The following LRRC3B variants were observed in gnomAD, a reference collection of about 807,000 sequenced individuals.
LRRC3B encodes leucine-rich repeat-containing protein 3B.
A neutral mutation model predicts 12.8 loss-of-function variants in LRRC3B; 2 were observed. That is an observed-to-expected ratio of 0.16 (90% CI 0.06 to 0.49). The LOEUF (loss-of-function observed/expected upper bound fraction) is 0.49, where lower values mean the gene tolerates loss of function less well. Ranked by LOEUF, LRRC3B falls within the 20% of genes least tolerant of loss-of-function variation. LRRC3B has a pLI of 0.96. For missense variants in LRRC3B, 189 were observed against 319.4 expected (o/e 0.59, Z 3.11); for synonymous variants, 132 against 122.0 (o/e 1.08, Z -0.54).
At chr3:26,679,545 A>C (rs1699928203) in intron 1 of LRRC3B, among the ~76,000 whole-genome samples, 1 of 152,230 alleles carries the variant, frequency 6.6e-6, no homozygotes, top group African/African-American at 2.4e-5. Flanking sequence ...CACTTCAGTC[A>C]GTTCTCTGTT....
At chr3:26,706,376 TG>T (rs1416213259) in intron 1 of LRRC3B, among the ~76,000 whole-genome samples, 3 of 152,168 alleles carry the variant, frequency 2.0e-5, no homozygotes, top group African/African-American at 7.2e-5. Flanking sequence ...TTATTCTGGC[TG>T]GGGGTGATGG....
intron 1 of LRRC3B, among the ~76,000 whole-genome samples, chr3:26,671,361 T>TAGAGAGAGAGAGAG (rs1168710721): frequency 2.0e-5 from 1 of 49,258 alleles, no homozygotes; most frequent in Non-Finnish European, 3.8e-5. Flanking sequence ...TATATATATA[T>TAGAGAGAGAGAGAG]ATATATATAT....
chr3:26,698,587 A>C (rs2125456529), intron 1 of LRRC3B, among the ~76,000 whole-genome samples: 1 of 152,160 alleles, frequency 6.6e-6, no homozygotes, highest in South Asian at 2.1e-4. Flanking sequence ...AATCTCCCCT[A>C]CCCCAAATTT....
chr3:26,680,787 A>C (rs1022079691), intron 1 of LRRC3B, among the ~76,000 whole-genome samples: 1 of 152,258 alleles, frequency 6.6e-6, no homozygotes, highest in Non-Finnish European at 1.5e-5. Context: ...TGTGACCAAA[A>C]GATACAAAGT....
intron 1 of LRRC3B, among the ~76,000 whole-genome samples, chr3:26,676,837 C>T (rs1699870705): frequency 6.6e-6 from 1 of 152,148 alleles, no homozygotes; most frequent in Non-Finnish European, 1.5e-5. Flanking sequence ...TGGAACCAAC[C>T]CAAATGTCAT....
At chr3:26,709,385 T>G in intron 1 of LRRC3B, 128 bp from the exon 2 acceptor site, 1 of 414,422 alleles carries the variant, frequency 2.4e-6, no homozygotes, top group East Asian at 4.2e-5. Flanking sequence ...CCCAGTGGCA[T>G]TGATGGAAAT....
chr3:26,625,415 A>AGGCTCCTGGTGC (rs1698603880), intron 1 of LRRC3B: 1 of 152,238 alleles, frequency 6.6e-6, no homozygotes, highest in Non-Finnish European at 1.5e-5. Context: ...CCCTGTGCGC[A>AGGCTCCTGGTGC]GGCTCCTGGT....
chr3:26,709,625 T>A (rs532292304), exon 2 of LRRC3B: 7 of 1,580,844 alleles, frequency 4.4e-6, no homozygotes, highest in Non-Finnish European at 6.0e-6. Flanking sequence ...TTACCACGCT[T>A]GTTGGAGTAG....
intron 1 of LRRC3B, among the ~76,000 whole-genome samples, chr3:26,673,128 A>G (rs1278258623): frequency 6.6e-6 from 1 of 152,236 alleles, no homozygotes; most frequent in Non-Finnish European, 1.5e-5. Context: ...CTGCAGTGGC[A>G]AGCAATTGTT....
intron 1 of LRRC3B, among the ~76,000 whole-genome samples, chr3:26,689,957 C>T (rs1245457221): frequency 6.6e-6 from 1 of 152,156 alleles, no homozygotes; most frequent in Admixed American, 6.6e-5. Context: ...TGGATTGTGC[C>T]TCTGCTTAGA....
intron 1 of LRRC3B, among the ~76,000 whole-genome samples, chr3:26,704,773 G>T (rs1386845669): frequency 6.6e-6 from 1 of 151,942 alleles, no homozygotes; most frequent in East Asian, 1.9e-4. Context: ...TCAACCTTTT[G>T]TTTTGTCATT....
At chr3:26,649,246 A>T (rs1030838963) in intron 1 of LRRC3B, among the ~76,000 whole-genome samples, 12 of 152,308 alleles carry the variant, frequency 7.9e-5, no homozygotes, top group Non-Finnish European at 8.8e-5. Context: ...TTAGAACATC[A>T]CACAGGTGAT....
rs11914669 is a variant in LRRC3B at position 26,681,208 on chromosome 3, C to T, written c.-160-28305C>T. 7.5e-3 allele frequency among the ~76,000 whole-genome samples: 1,146 copies of T among 152,208 alleles called. 16 individuals carry two copies. Among genetic ancestry groups the T allele is most frequent in the African/African-American group, 0.025 (1,037 of 41,534 alleles). On this transcript the variant is annotated intron_variant, in intron 1 of 1. Coordinates refer to ENST00000396641, the Ensembl canonical transcript of LRRC3B. ...GTGCTTTTAGACATAATTAACAATG[C>T]GAATCCTTTGGGATCACACTGAATT...
At chr3:26,707,201 A>G (rs1179761759) in intron 1 of LRRC3B, among the ~76,000 whole-genome samples, 2 of 32,232 alleles carry the variant, frequency 6.2e-5, no homozygotes, top group Non-Finnish European at 1.8e-4. Context: ...AAAATACAGA[A>G]AAAAAAAAAA....
chr3:26,675,893 A>AGTT (rs1272371184), intron 1 of LRRC3B, among the ~76,000 whole-genome samples: 7 of 151,810 alleles, frequency 4.6e-5, no homozygotes, highest in South Asian at 2.1e-4. Flanking sequence ...TAATGGTGGT[A>AGTT]GTTGGTAAAA....
intron 1 of LRRC3B, among the ~76,000 whole-genome samples, chr3:26,670,204 A>G (rs939210738): frequency 2.6e-5 from 4 of 152,222 alleles, no homozygotes; most frequent in Non-Finnish European, 5.9e-5. Context: ...TTCTTGGTAG[A>G]TGCTCAGTTT....
chr3:26,648,748 A>G (rs1699204573), intron 1 of LRRC3B, among the ~76,000 whole-genome samples: 1 of 152,192 alleles, frequency 6.6e-6, no homozygotes, highest in African/African-American at 2.4e-5. Flanking sequence ...CTTGATTTGT[A>G]ATGTTTAAAC....
At chr3:26,669,925 C>A (rs1699685274) in intron 1 of LRRC3B, among the ~76,000 whole-genome samples, 1 of 152,218 alleles carries the variant, frequency 6.6e-6, no homozygotes, top group Non-Finnish European at 1.5e-5. Context: ...TCCTCCTTAT[C>A]CACACCATTA....
chr3:26,684,902 A>G (rs1263226851), intron 1 of LRRC3B, among the ~76,000 whole-genome samples: 2 of 152,160 alleles, frequency 1.3e-5, no homozygotes, highest in Admixed American at 6.5e-5. Flanking sequence ...ATTCTCACAT[A>G]CAATGGAGTG....
Sources: allele counts gnomAD v4.1 joint callset (sites outside exome capture counted in the v4.1 genomes callset), GRCh38; gene constraint gnomAD v4.1.1; transcripts MANE v1.5; gene names NCBI Gene and HGNC (gene_info 2026-07-23, HGNC 2026-07-21).